The following DMBT1 variants were observed in gnomAD, a reference collection of about 807,000 sequenced individuals.
DMBT1 encodes deleted in malignant brain tumors 1.
Under a neutral mutation model 252.9 loss-of-function variants are expected in DMBT1, and 198 were observed. The observed-to-expected ratio is 0.78, with a 90% CI of 0.70 to 0.88. The LOEUF (loss-of-function observed/expected upper bound fraction) is 0.88, where lower values mean the gene tolerates loss of function less well. Among genes scored for constraint, DMBT1 ranks in the 40% least tolerant of loss-of-function variants. The pLI is 0.00. For missense variants in DMBT1, 2,432 were observed against 2,404.7 expected (o/e 1.01, Z -0.24); for synonymous variants, 990 against 942.7 (o/e 1.05, Z -0.92).
intron 53 of DMBT1, among the ~76,000 whole-genome samples, chr10:122,636,783 C>T (rs1005310186): frequency 1.3e-5 from 2 of 152,246 alleles, no homozygotes; most frequent in Non-Finnish European, 2.9e-5. Flanking sequence ...GGCTAAAAGA[C>T]CTTGTTTCAT....
rs539326645 is a variant in DMBT1, at chr10:122,621,476, C to G, written c.5608+96C>G. 2.6e-6 allele frequency: 4 copies of G among 1,549,046 alleles called. No individual in the cohort carries two copies. In the Admixed American group the frequency reaches 7.8e-5, roughly 30 times the overall value. On this transcript the variant is annotated intron_variant, in intron 44 of 55. Coordinates refer to ENST00000338354, the MANE Select transcript of DMBT1 (RefSeq NM_001377530.1). ...TCTGATCTCCTCACTCAAAGCTTCT[C>G]CTGTGTTTCCTGTGTTTTTGAAGAC... is the stretch of plus-strand genomic sequence containing the variant.
In DMBT1 at chr10:122,630,475, A is replaced by G; in HGVS notation, c.6010A>G (p.Asn2004Asp). 2 of 1,613,938 alleles carry G rather than the reference A, an allele frequency of 1.2e-6. No homozygotes were observed. The highest frequency in any genetic ancestry group is 1.7e-6 in the Non-Finnish European group (2 of 1,179,856). ...AAACACTGGCTTTTTGGCTTGGTAT[A>G]ACTCCTTCCCAAGCGGTAAGTGCAC... ...FQNTGFLAWY[N>D]SFPSDATLRL... The change falls in exon 48 of 56, where the codon AAC becomes GAC. Residue 2004 changes from asparagine to aspartate, a missense_variant. Physicochemically the swap from Asn to Asp is conservative, Grantham distance 23. This residue lies in a region of DMBT1 where 1,162 missense variants were observed against 1,169.0 expected (regional missense o/e 0.99). Coordinates refer to ENST00000338354, the MANE Select transcript of DMBT1 (RefSeq NM_001377530.1).
chr10:122,590,380 C>T lies in DMBT1; in HGVS notation c.2108-285C>T, dbSNP rs1268921669. On this transcript the variant is annotated intron_variant, in intron 17 of 55. Transcript: ENST00000338354. ...GGAGTGGCCTCTTCATACTTGCTGA[C>T]TCAGGGACTGCTAAGACGTGTAAGG... 1.3e-5 allele frequency among the ~76,000 whole-genome samples: 2 copies of T among 148,824 alleles called. 1 individual carries two copies. Among genetic ancestry groups the T allele is most frequent in the African/African-American group, 4.9e-5 (2 of 41,112 alleles).
intron 2 of DMBT1, among the ~76,000 whole-genome samples, chr10:122,566,268 G>A (rs1199471157): frequency 1.3e-5 from 2 of 152,124 alleles, no homozygotes; most frequent in Admixed American, 6.5e-5. Flanking sequence ...TTGGTGTGAG[G>A]AGAGATAGTT....
In DMBT1 at chr10:122,617,266, C is replaced by T. The variant is rs112040922; in HGVS notation, c.4891+6C>T. On this transcript the variant is annotated splice_donor_region_variant and intron_variant, in intron 40 of 55. Coordinates refer to ENST00000338354, the MANE Select transcript of DMBT1 (RefSeq NM_001377530.1). Reference sequence around the variant, plus strand: ...CTCTCGTGCATCAACAGCAGGTAAACAATCCTCTCACCCCTCCCTAGGGCT... The same window carrying T: ...CTCTCGTGCATCAACAGCAGGTAAATAATCCTCTCACCCCTCCCTAGGGCT... 9.7e-4 allele frequency: 1,557 copies of T among 1,608,356 alleles called. 29 individuals carry two copies. The African/African-American group carries it at 0.011, about 11-fold the overall frequency.
intron 26 of DMBT1, among the ~76,000 whole-genome samples, chr10:122,599,421 G>T (rs1023570238): frequency 6.6e-6 from 1 of 152,218 alleles, no homozygotes; most frequent in Non-Finnish European, 1.5e-5. Context: ...TATAATGGAT[G>T]CAGGACAGAC....
intron 26 of DMBT1, among the ~76,000 whole-genome samples, chr10:122,599,664 T>A (rs537329150): frequency 2.6e-5 from 4 of 152,284 alleles, no homozygotes; most frequent in South Asian, 4.1e-4. Context: ...AGGTCTGGTG[T>A]GGGGAGGGCA....
rs754095100 is a variant in DMBT1 at position 122,638,976 on chromosome 10, G to A, written c.6943-1064G>A. On this transcript the variant is annotated intron_variant, in intron 54 of 55. Transcript: ENST00000338354. ...CTTAATTATGAGGCAACGGAGGCTT[G>A]CAGAAGGTAAGCCACTTGCCCAGAA... Among the ~76,000 whole-genome samples, 8 of 152,244 alleles carry A rather than the reference G, an allele frequency of 5.3e-5. No homozygotes were observed. In the South Asian group the frequency reaches 6.2e-4, roughly 12 times the overall value.
In DMBT1 at chr10:122,570,902, C is replaced by T; in HGVS notation, c.152C>T (p.Pro51Leu). The T allele has an allele frequency of 6.2e-7, 1 of 1,613,478 alleles. No homozygotes were observed. The highest frequency in any genetic ancestry group is 8.5e-7 in the Non-Finnish European group (1 of 1,179,418). ...DPTVAEGSPF[P>L]SESTLESTVA... ...CTCCACCCTGCAGGTTCTCCATTTC[C>T]CTCGGAGTCGACCCTGGAGTCAACT... The change falls in exon 4 of 56, where the codon CCC becomes CTC. Residue 51 changes from proline to leucine, a missense_variant. This residue lies in a region of DMBT1 where 1,264 missense variants were observed against 1,082.2 expected (regional missense o/e 1.17). Transcript: ENST00000338354.
Position 122,600,780 on chromosome 10 carries a change from G to C in DMBT1, c.3311-211G>C, listed in dbSNP as rs376740927. On this transcript the variant is annotated intron_variant, in intron 27 of 55. Transcript: ENST00000338354. ...GAGATAGAAAGATACCCCAGGATTA[G>C]AGAAATGGAGGGCTCAGTCTGGTCT... 3.2e-3 allele frequency among the ~76,000 whole-genome samples: 490 copies of C among 152,306 alleles called. 3 individuals are homozygous for C. The highest frequency in any genetic ancestry group is 0.011 in the African/African-American group (440 of 41,558).
chr10:122,574,351 A>G (rs974575389), intron 6 of DMBT1, among the ~76,000 whole-genome samples: 31 of 152,178 alleles, frequency 2.0e-4, no homozygotes, highest in Admixed American at 2.0e-3. Flanking sequence ...TGGGAAGGGA[A>G]GTCACTTCCC....
chr10:122,617,310 T>C (rs1411666337), intron 40 of DMBT1, 50 bp downstream of exon 40: 5 of 1,585,858 alleles, frequency 3.2e-6, no homozygotes, highest in African/African-American at 1.4e-5. Flanking sequence ...CTGGACATAT[T>C]TTGTGTTTGA....
In DMBT1 at chr10:122,600,078, C is replaced by T; in HGVS notation, c.3295C>T (p.Pro1099Ser). Residue 1099 changes from proline (P) to serine (S), a missense_variant, in exon 27 of 56, where the codon CCA becomes TCA. By Grantham distance (74) the Pro-to-Ser change is moderately conservative. Coordinates refer to ENST00000338354, the MANE Select transcript of DMBT1 (RefSeq NM_001377530.1). ...CTTTCTCACAGCTTCCCAGTCCCGGCCAACACCTAGTCCAGGTGGGTCCCC... is the reference window on the plus strand; with the variant it reads ...CTTTCTCACAGCTTCCCAGTCCCGGTCAACACCTAGTCCAGGTGGGTCCCC... ...GVICSASQSR[P>S]TPSPDTWPTS... The T allele has an allele frequency of 6.2e-7, 1 of 1,607,282 alleles. No homozygotes were observed. The highest frequency in any genetic ancestry group is 8.5e-7 in the Non-Finnish European group (1 of 1,178,262).
intron 16 of DMBT1, among the ~76,000 whole-genome samples, chr10:122,587,640 A>G (rs2097802414): frequency 6.7e-6 from 1 of 148,438 alleles, no homozygotes; most frequent in African/African-American, 2.4e-5. Context: ...GGGCAGACAC[A>G]AAGTCCTTCA....
At chr10:122,628,653 A>G (rs2133662806) in intron 46 of DMBT1, among the ~76,000 whole-genome samples, 1 of 152,294 alleles carries the variant, frequency 6.6e-6, no homozygotes, top group Middle Eastern at 3.4e-3. Flanking sequence ...AAACAAAAGA[A>G]AAAAAAGAAT....
In DMBT1 at chr10:122,619,340, G is replaced by A; in HGVS notation, c.5245+3G>A. The A allele has an allele frequency of 6.2e-7, 1 of 1,613,942 alleles. No individual in the cohort carries two copies. ...GTCCCAGTCAACGCCCAGGCCAGGT[G>A]AGTCCCCAGCATCCTTCATCGGGAT... On this transcript the variant is annotated splice_donor_region_variant and intron_variant, in intron 42 of 55. Coordinates refer to ENST00000338354, the MANE Select transcript of DMBT1 (RefSeq NM_001377530.1).
intron 55 of DMBT1, 57 bp downstream of exon 55, chr10:122,640,506 G>C (rs1844332178): frequency 2.6e-6 from 4 of 1,533,586 alleles, no homozygotes; most frequent in Non-Finnish European, 3.5e-6. Context: ...TCAAACATGA[G>C]TAGCCCCAAA....
At chr10:122,626,389 A>G (rs534635580) in intron 46 of DMBT1, among the ~76,000 whole-genome samples, 1 of 152,356 alleles carries the variant, frequency 6.6e-6, no homozygotes, top group South Asian at 2.1e-4. Context: ...TTATACAGAT[A>G]TGCCATGAAT....
intron 16 of DMBT1, 145 bp from the exon 17 acceptor site, chr10:122,588,799 C>A: frequency 7.0e-7 from 1 of 1,420,136 alleles, no homozygotes; most frequent in Non-Finnish European, 9.6e-7. Flanking sequence ...TGTGATGAAG[C>A]TGAACCTCTG....
Sources: allele counts gnomAD v4.1 joint callset (sites outside exome capture counted in the v4.1 genomes callset), GRCh38; gene constraint gnomAD v4.1.1; regional missense constraint gnomAD v4.1.1; transcripts MANE v1.5; gene names NCBI Gene and HGNC (gene_info 2026-07-23, HGNC 2026-07-21).